BRCA1: variants seen among roughly 807,000 people sequenced by gnomAD.
BRCA1 encodes the protein breast cancer type 1 susceptibility protein.
In BRCA1, 140 loss-of-function variants were observed where a neutral mutation model predicts 173.7. That is an observed-to-expected ratio of 0.81 (90% CI 0.70 to 0.93). The LOEUF (loss-of-function observed/expected upper bound fraction) is 0.93. BRCA1 is among the 40% of genes least tolerant of loss of function. The probability of loss-of-function intolerance (pLI) is 0.00; values close to 1 mark genes in which losing one functional copy is unlikely to be tolerated. For missense variants in BRCA1, 1,983 were observed against 2,172.5 expected (o/e 0.91, Z 1.73); for synonymous variants, 662 against 756.0 (o/e 0.88, Z 2.04).
chr17:43,147,586 G>A (rs192628026), intron 1 of BRCA1, among the ~76,000 whole-genome samples: 478 of 152,278 alleles, frequency 3.1e-3, no homozygotes, highest in African/African-American at 0.011. Context: ...GGGATTACAC[G>A]TGTAAGCCAT....
intron 1 of BRCA1, among the ~76,000 whole-genome samples, chr17:43,149,619 AAG>A (rs953915625): frequency 6.6e-6 from 1 of 152,162 alleles, no homozygotes; most frequent in African/African-American, 2.4e-5. Flanking sequence ...GCTGGAAAGA[AAG>A]AGAGTGGTCT....
At chr17:43,132,747 T>C (rs1317012787) in intron 1 of BRCA1, 1 of 151,508 alleles carries the variant, frequency 6.6e-6, no homozygotes, top group Non-Finnish European at 1.5e-5. Flanking sequence ...CCCAGCTAAT[T>C]CTTTTTTTCT....
intron 13 of BRCA1, 84 bp from the exon 14 acceptor site, chr17:43,074,605 T>C (rs1413659963): frequency 2.4e-6 from 3 of 1,233,806 alleles, no homozygotes; most frequent in African/African-American, 3.0e-5. Flanking sequence ...AAAGCATAAA[T>C]GAAACAGCTC....
At chr17:43,047,743 G>A (rs1481500363) in intron 21 of BRCA1, 40 bp from the exon 22 acceptor site, 1 of 1,603,970 alleles carries the variant, frequency 6.2e-7, no homozygotes, top group Non-Finnish European at 8.5e-7. Context: ...AAGTGTCAAA[G>A]TAGGACTACT....
chr17:43,135,719 C>G (rs899430234), intron 1 of BRCA1, among the ~76,000 whole-genome samples: 4 of 152,224 alleles, frequency 2.6e-5, no homozygotes, highest in African/African-American at 9.6e-5. Flanking sequence ...GCTTCAGGCT[C>G]AGGATTTTCA....
chr17:43,162,429 C>T (rs1137397), intron 1 of BRCA1: 1 of 152,144 alleles, frequency 6.6e-6, no homozygotes, highest in Non-Finnish European at 1.5e-5. Context: ...TTATGAGCCC[C>T]CACCAGTCCT....
chr17:43,165,093 GTGT>G (rs1024881469), intron 1 of BRCA1, among the ~76,000 whole-genome samples: 50 of 152,210 alleles, frequency 3.3e-4, no homozygotes, highest in African/African-American at 1.1e-3. Context: ...TTATATTAGT[GTGT>G]TATTAATATT....
At chr17:43,117,068 T>C (rs994996103) in intron 2 of BRCA1, among the ~76,000 whole-genome samples, 1 of 152,220 alleles carries the variant, frequency 6.6e-6, no homozygotes, top group African/African-American at 2.4e-5. Flanking sequence ...TTAGATCACT[T>C]CAGAAGAGGC....
At chr17:43,119,625 C>A (rs543749843) in intron 2 of BRCA1, among the ~76,000 whole-genome samples, 9 of 152,032 alleles carry the variant, frequency 5.9e-5, no homozygotes, top group African/African-American at 2.2e-4. Flanking sequence ...CTTGTACCAA[C>A]ATTGGTATTA....
At chr17:43,100,645 A>T (rs1338118781) in intron 6 of BRCA1, among the ~76,000 whole-genome samples, 3 of 49,618 alleles carry the variant, frequency 6.0e-5, no homozygotes, top group African/African-American at 9.2e-5. Context: ...TATATATATA[A>T]CATATATATA....
intron 12 of BRCA1, 49 bp from the exon 13 acceptor site, chr17:43,076,663 A>G (rs1247459831): frequency 1.2e-6 from 2 of 1,602,250 alleles, no homozygotes; most frequent in African/African-American, 1.3e-5. Flanking sequence ...TTGTTCTGAT[A>G]GTGATAATTC....
rs369925993 is a variant in BRCA1, at chr17:43,092,261, T to A, written c.3270A>T (p.Gln1090His). 11 of 1,613,676 alleles carry A rather than the reference T, an allele frequency of 6.8e-6. No individual in the cohort carries two copies. The highest frequency in any genetic ancestry group is 9.3e-6 in the Non-Finnish European group (11 of 1,179,996). ...GAAGACTTTGTTTATAGACCTCAGG[T>A]TGCAAAACCCCTAATCTAAGCATAG... ...LNAMLRLGVL[Q>H]PEVYKQSLPG... is the part of the protein sequence containing the mutation. The change falls in exon 10 of 23, where the codon CAA becomes CAT. Residue 1090 changes from glutamine to histidine, a missense_variant. Physicochemically the swap from Gln to His is conservative, Grantham distance 24 (BLOSUM62 0). Transcript: ENST00000357654.
intron 18 of BRCA1, among the ~76,000 whole-genome samples, chr17:43,059,369 C>T (rs965857337): frequency 2.0e-5 from 3 of 152,062 alleles, no homozygotes; most frequent in African/African-American, 7.2e-5. Context: ...GAGGCTGAGG[C>T]AGGAAAATCA....
chr17:43,121,621 T>A (rs987366718), intron 2 of BRCA1, among the ~76,000 whole-genome samples: 2 of 132,200 alleles, frequency 1.5e-5, no homozygotes, highest in African/African-American at 5.7e-5. Context: ...AGGTGGAGGT[T>A]GTAGTGAGCC....
intron 1 of BRCA1, among the ~76,000 whole-genome samples, chr17:43,154,416 G>A (rs1268435773): frequency 2.6e-5 from 4 of 151,596 alleles, no homozygotes; most frequent in East Asian, 2.0e-4. Flanking sequence ...CCTGGGAGGC[G>A]CAGGTTGCAG....
intron 2 of BRCA1, among the ~76,000 whole-genome samples, chr17:43,120,744 G>A (rs1200475041): frequency 1.3e-5 from 2 of 151,512 alleles, no homozygotes; most frequent in Non-Finnish European, 2.9e-5. Flanking sequence ...CGGCCTGGGT[G>A]AAAGAGCGAG....
At chr17:43,100,524 G>GTATA (rs760604247) in intron 6 of BRCA1, among the ~76,000 whole-genome samples, 4 of 63,784 alleles carry the variant, frequency 6.3e-5, no homozygotes, top group African/African-American at 1.8e-4. Flanking sequence ...GTGTGTGTGT[G>GTATA]TATATATATA....
intron 7 of BRCA1, among the ~76,000 whole-genome samples, chr17:43,098,125 A>T (rs900348880): frequency 6.6e-6 from 1 of 151,148 alleles, no homozygotes; most frequent in Non-Finnish European, 1.5e-5. Flanking sequence ...CCTGGGTTCA[A>T]TGTATCCACT....
At position 43,092,492 on chromosome 17, in the gene BRCA1, TTC is replaced by T. The variant is rs397507208; in HGVS notation, c.3037_3038del (p.Glu1013AsnfsTer4). ...FEEHSMSPER[E>X]MGNENIPSTV... Reference sequence around the variant, plus strand: ...TACTTGGAATGTTCTCATTTCCCATTTCTCTTTCAGGTGACATTGAATGTTCC... The same window carrying T: ...TACTTGGAATGTTCTCATTTCCCATTTCTTTCAGGTGACATTGAATGTTCC... On this transcript the variant is annotated frameshift_variant, in exon 10 of 23. Coordinates refer to ENST00000357654, the MANE Select transcript of BRCA1 (RefSeq NM_007294.4). LOFTEE classifies it high-confidence loss of function. 1 of 1,614,060 alleles carries T rather than the reference TTC, an allele frequency of 6.2e-7. No homozygotes were observed. Among genetic ancestry groups the T allele is most frequent in the South Asian group, 1.1e-5 (1 of 91,080 alleles).
Sources: allele counts gnomAD v4.1 joint callset (sites outside exome capture counted in the v4.1 genomes callset), GRCh38; gene constraint gnomAD v4.1.1; transcripts MANE v1.5; gene names NCBI Gene and HGNC (gene_info 2026-07-23, HGNC 2026-07-21).